CDH3: variants seen among roughly 807,000 people sequenced by gnomAD.
The protein encoded by CDH3 is cadherin-3.
CDH3 carries 54 observed loss-of-function variants against 82.0 expected under a neutral mutation model. The ratio of observed to expected loss-of-function variants is 0.66; its 90% CI spans 0.53 to 0.83. CDH3 has a LOEUF of 0.83. Among genes scored for constraint, CDH3 ranks in the 40% least tolerant of loss-of-function variants. The pLI, the probability that CDH3 is intolerant of heterozygous loss-of-function variation, is 0.00. For missense variants in CDH3, 1,054 were observed against 1,084.6 expected, an observed-to-expected ratio of 0.97 and a Z score of 0.40; for synonymous variants, 446 against 437.9, an observed-to-expected ratio of 1.02 and a Z score of -0.23.
chr16:68,721,997 G>A (rs1169815579), intron 1 of CDH3, among the ~76,000 whole-genome samples: 1 of 152,158 alleles, frequency 6.6e-6, no homozygotes, highest in African/African-American at 2.4e-5. Context: ...ACTGAGGCAG[G>A]AGAATTGCTT....
chr16:68,646,154 C>T (rs529398794), intron 2 of CDH3: 1 of 246,502 alleles, frequency 4.1e-6, no homozygotes, highest in African/African-American at 2.3e-5. Context: ...CCCTCTCGGG[C>T]CCCCTTTGTG....
chr16:68,725,339 T>G (rs1448009243), intron 2 of CDH3, among the ~76,000 whole-genome samples: 1 of 151,912 alleles, frequency 6.6e-6, no homozygotes, highest in East Asian at 1.9e-4. Flanking sequence ...TTCACCCAAT[T>G]CTTTTTTTTT....
Position 68,707,933 on chromosome 16 carries a change from C to T in CDH3, c.99+12010C>T, listed in dbSNP as rs1031840461. ...CCCCACTGTTGTCCATCCGGTAAAC[C>T]ACGGCCAGCCCACAGCTGACAGGGC... On this transcript the variant is annotated intron_variant, in intron 1 of 2. Coordinates refer to the CDH3 transcript ENST00000569080. This position sits in a 1 kb window ranked among gnomAD's most constrained non-coding sequence, Gnocchi z 4.5. 6.6e-6 allele frequency among the ~76,000 whole-genome samples: 1 copy of T among 152,052 alleles called. No homozygotes were observed. The highest frequency in any genetic ancestry group is 2.4e-5 in the African/African-American group (1 of 41,390).
downstream of CDH3, chr16:68,700,342 CG>C (rs1257160874): frequency 6.6e-6 from 1 of 152,220 alleles, no homozygotes; most frequent in Non-Finnish European, 1.5e-5. Flanking sequence ...GACCCTGAAC[CG>C]GAGTTATCGG....
chr16:68,691,700 C>A lies in CDH3; in HGVS notation c.1796-20C>A. The A allele has an allele frequency of 2.5e-6, 4 of 1,600,092 alleles. No homozygotes were observed. The highest frequency in any genetic ancestry group is 3.4e-6 in the Non-Finnish European group (4 of 1,167,342). ...CGCACTGATGGTTCCCACAGCTAAT[C>A]AATGATCTGTTCACTCCAGGTGACA... On this transcript the variant is annotated intron_variant, in intron 12 of 15. Coordinates refer to ENST00000264012, the MANE Select transcript of CDH3 (RefSeq NM_001793.6).
At position 68,705,738 on chromosome 16, in the gene CDH3, G is replaced by T. The variant is rs567432515; in HGVS notation, c.99+9815G>T. On this transcript the variant is annotated intron_variant, in intron 1 of 2. Transcript: ENST00000569080. Reference sequence around the variant, plus strand: ...TGCCCAGCCCCAAGACACTGTTCTTGGTGCTAGGGTTATAGCAATGCAGAA... The same window carrying T: ...TGCCCAGCCCCAAGACACTGTTCTTTGTGCTAGGGTTATAGCAATGCAGAA... 1.9e-4 allele frequency among the ~76,000 whole-genome samples: 29 copies of T among 151,138 alleles called. No homozygotes were observed. The East Asian group carries it at 5.8e-3, about 30-fold the overall frequency.
chr16:68,707,839 G>T lies in CDH3; in HGVS notation c.99+11916G>T, dbSNP rs1372113894. Among the ~76,000 whole-genome samples the T allele has an allele frequency of 6.6e-6, 1 of 152,064 alleles. No homozygotes were observed. The highest frequency in any genetic ancestry group is 6.6e-5 in the Admixed American group (1 of 15,264). ...CTGCCCAGCAAGCGGCAGGGGTGTGGCGGGCCGGGGAGGAATCTGAGAGGG... is the reference window on the plus strand; with the variant it reads ...CTGCCCAGCAAGCGGCAGGGGTGTGTCGGGCCGGGGAGGAATCTGAGAGGG... On this transcript the variant is annotated intron_variant, in intron 1 of 2. Transcript: ENST00000569080. This position sits in a 1 kb window ranked among gnomAD's most constrained non-coding sequence, Gnocchi z 4.5.
At chr16:68,650,863 G>C (rs1960221924) in intron 2 of CDH3, among the ~76,000 whole-genome samples, 1 of 151,984 alleles carries the variant, frequency 6.6e-6, no homozygotes, top group Admixed American at 6.6e-5. Flanking sequence ...CCAAGGCAAG[G>C]GGGGAATATC....
chr16:68,672,001 A>G (rs1960894937), intron 2 of CDH3, among the ~76,000 whole-genome samples: 1 of 152,150 alleles, frequency 6.6e-6, no homozygotes, highest in East Asian at 1.9e-4. Flanking sequence ...AGTCATGGCC[A>G]AATGGTTATT....
chr16:68,645,523 G>T, intron 1 of CDH3, 99 bp downstream of exon 1: 1 of 1,462,878 alleles, frequency 6.8e-7, no homozygotes, highest in Non-Finnish European at 9.3e-7. Flanking sequence ...GCGGGGCTGC[G>T]CTCCCTGGGG....
At chr16:68,701,360 A>G (rs1390179609), downstream of CDH3, among the ~76,000 whole-genome samples, 1 of 152,144 alleles carries the variant, frequency 6.6e-6, no homozygotes, top group African/African-American at 2.4e-5. Context: ...TCTGATCCTT[A>G]GTGCCTGTAA....
At chr16:68,646,905 A>G (rs942917625) in intron 2 of CDH3, among the ~76,000 whole-genome samples, 1 of 152,120 alleles carries the variant, frequency 6.6e-6, no homozygotes, top group African/African-American at 2.4e-5. Flanking sequence ...GTCAATGCCT[A>G]GGGGACAGAG....
At chr16:68,650,742 A>G (rs1960217912) in intron 2 of CDH3, among the ~76,000 whole-genome samples, 1 of 152,122 alleles carries the variant, frequency 6.6e-6, no homozygotes, top group African/African-American at 2.4e-5. Context: ...TCTCCCCAGC[A>G]CAGCTCAGTC....
intron 1 of CDH3, among the ~76,000 whole-genome samples, chr16:68,713,280 A>G (rs202179653): frequency 6.6e-6 from 1 of 152,036 alleles, no homozygotes; most frequent in Non-Finnish European, 1.5e-5. Context: ...AATTCAGTTG[A>G]CCCTCAATAA....
chr16:68,683,201 T>C (rs1312521964), intron 9 of CDH3, among the ~76,000 whole-genome samples: 3 of 152,216 alleles, frequency 2.0e-5, no homozygotes, highest in Non-Finnish European at 4.4e-5. Context: ...TATGAAATAA[T>C]ATATTTTAAA....
chr16:68,727,674 C>G (rs1225460382), downstream of CDH3, among the ~76,000 whole-genome samples: 1 of 152,020 alleles, frequency 6.6e-6, no homozygotes, highest in African/African-American at 2.4e-5. Context: ...TTTCAGAAGC[C>G]AAGGTGGGTA....
intron 2 of CDH3, among the ~76,000 whole-genome samples, chr16:68,665,326 T>C (rs899610390): frequency 1.3e-5 from 2 of 152,096 alleles, no homozygotes; most frequent in Admixed American, 1.3e-4. Flanking sequence ...GAGAATCACT[T>C]GAAACTGGGA....
At chr16:68,698,091 A>G (rs1211175588) in intron 15 of CDH3, 100 bp from the exon 16 acceptor site, 1 of 1,040,768 alleles carries the variant, frequency 9.6e-7, no homozygotes, top group African/African-American at 1.6e-5. Context: ...CAAAACCTTT[A>G]GGGGAGGGGA....
intron 3 of CDH3, among the ~76,000 whole-genome samples, chr16:68,676,700 G>A (rs1021719708): frequency 1.3e-5 from 2 of 152,212 alleles, no homozygotes; most frequent in African/African-American, 4.8e-5. Context: ...GTGGAGCCAA[G>A]AGCTGCCTTG....
Sources: allele counts gnomAD v4.1 joint callset (sites outside exome capture counted in the v4.1 genomes callset), GRCh38; gene constraint gnomAD v4.1.1; non-coding constraint Gnocchi (gnomAD v3.1); transcripts MANE v1.5; gene names NCBI Gene and HGNC (gene_info 2026-07-23, HGNC 2026-07-21).